Variants in SORCS2 observed in about 807,000 individuals in gnomAD.
The protein encoded by SORCS2 is VPS10 domain-containing receptor SorCS2.
Under a neutral mutation model 141.6 loss-of-function variants are expected in SORCS2, and 100 were observed. That is an observed-to-expected ratio of 0.71 (90% CI 0.60 to 0.83). The LOEUF is 0.83. SORCS2 is among the 40% of genes least tolerant of loss of function. The pLI, the probability that SORCS2 is intolerant of heterozygous loss-of-function variation, is 0.00. For synonymous variants in SORCS2, 789 were observed against 676.9 expected (o/e 1.17, Z -2.57); for missense variants, 1,646 against 1,560.2 (o/e 1.05, Z -0.93).
At position 7,540,454 on chromosome 4, in the gene SORCS2, C is replaced by T. The variant is rs143695313; in HGVS notation, c.648+8825C>T. 4.2e-3 allele frequency among the ~76,000 whole-genome samples: 644 copies of T among 152,264 alleles called. 3 individuals carry two copies. Among genetic ancestry groups the T allele is most frequent in the African/African-American group, 0.014 (590 of 41,564 alleles). On this transcript the variant is annotated intron_variant, in intron 3 of 26. Coordinates refer to ENST00000507866, the MANE Select transcript of SORCS2 (RefSeq NM_020777.3). ...CAGCACCCTGTGGCTGCTTTGCCAC[C>T]GCCTGTGCTTTGTGGGACCCACACT...
intron 1 of SORCS2, among the ~76,000 whole-genome samples, chr4:7,396,016 A>G (rs979418990): frequency 6.6e-6 from 1 of 152,226 alleles, no homozygotes; most frequent in African/African-American, 2.4e-5. Context: ...TTTCCAACAA[A>G]TGGCAGCTAC....
Position 7,725,428 on chromosome 4 carries a change from C to T in SORCS2, c.2745+141C>T, listed in dbSNP as rs947986950. 4.0e-6 allele frequency: 5 copies of T among 1,257,338 alleles called. No individual in the cohort carries two copies. The African/African-American group carries it at 6.1e-5, about 15-fold the overall frequency. 77.9% of individuals were successfully genotyped at this position (1,257,338 alleles called of 1,614,324 possible). On this transcript the variant is annotated intron_variant, in intron 20 of 26. Coordinates refer to ENST00000507866, the MANE Select transcript of SORCS2 (RefSeq NM_020777.3). ...CCTCACCCTTGGGCCCCTCCTGGGG[C>T]AGTTGAGAGGGGCACACCCTCCGTG...
At chr4:7,256,186 G>C (rs2108813477) in intron 1 of SORCS2, among the ~76,000 whole-genome samples, 1 of 152,288 alleles carries the variant, frequency 6.6e-6, no homozygotes, top group African/African-American at 2.4e-5. Flanking sequence ...GGGGCAGGGA[G>C]AGGCTCTTGA....
Position 7,411,996 on chromosome 4 carries a change from T to C in SORCS2, c.548+15641T>C, listed in dbSNP as rs74576599. Among the ~76,000 whole-genome samples, 292 of 152,332 alleles carry C rather than the reference T, an allele frequency of 1.9e-3. 7 individuals carry two copies. The East Asian group carries it at 0.046, about 24-fold the overall frequency. The stretch of plus-strand genomic sequence containing the variant: ...ACACCCCCACCATCCCTAGCATGTA[T>C]GCTGCCAAGGTCTATCAAGTCTGTG... On this transcript the variant is annotated intron_variant, in intron 2 of 26. Coordinates refer to ENST00000507866, the MANE Select transcript of SORCS2 (RefSeq NM_020777.3).
chr4:7,437,282 T>C (rs1261687030), intron 2 of SORCS2, among the ~76,000 whole-genome samples: 3 of 152,204 alleles, frequency 2.0e-5, no homozygotes, highest in Admixed American at 2.0e-4. Context: ...GGAGACCGTT[T>C]GCTTACATTT....
intron 1 of SORCS2, among the ~76,000 whole-genome samples, chr4:7,329,684 C>T (rs1719517671): frequency 1.3e-5 from 2 of 152,332 alleles, no homozygotes; most frequent in Non-Finnish European, 2.9e-5. Flanking sequence ...TGGCTTGAGA[C>T]AGCACAAATG....
intron 1 of SORCS2, among the ~76,000 whole-genome samples, chr4:7,362,827 C>A (rs1271155038): frequency 6.6e-6 from 1 of 151,834 alleles, no homozygotes; most frequent in Non-Finnish European, 1.5e-5. Context: ...ACACCACCAT[C>A]ATTACTACCA....
In SORCS2 at chr4:7,371,159, G is replaced by A. The variant is rs140865696; in HGVS notation, c.481-25129G>A. Among the ~76,000 whole-genome samples the A allele has an allele frequency of 6.5e-4, 99 of 152,358 alleles. 1 individual carries two copies. The highest frequency in any genetic ancestry group is 3.4e-3 in the Middle Eastern group (1 of 294). On this transcript the variant is annotated intron_variant, in intron 1 of 26. Coordinates refer to ENST00000507866, the MANE Select transcript of SORCS2 (RefSeq NM_020777.3). Reference sequence around the variant, plus strand: ...AGGATGTTTGTCCAGAGGTGGAAACGTGGGTGCAGGTGTCCCCCTCAACCT... The same window carrying A: ...AGGATGTTTGTCCAGAGGTGGAAACATGGGTGCAGGTGTCCCCCTCAACCT...
chr4:7,393,852 T>G (rs1387727500), intron 1 of SORCS2, among the ~76,000 whole-genome samples: 1 of 152,236 alleles, frequency 6.6e-6, no homozygotes, highest in African/African-American at 2.4e-5. Context: ...CTGAGCTGTG[T>G]TGAGGTCGAC....
intron 11 of SORCS2, among the ~76,000 whole-genome samples, chr4:7,696,523 T>G (rs766389220): frequency 3.9e-5 from 6 of 152,200 alleles, no homozygotes; most frequent in Non-Finnish European, 5.9e-5. Context: ...TTGGCTTGGA[T>G]GCTGGCCATG....
At position 7,723,308 on chromosome 4, in the gene SORCS2, C is replaced by T. The variant is rs532932062; in HGVS notation, c.2425-389C>T. Among the ~76,000 whole-genome samples, 36 of 152,272 alleles carry T rather than the reference C, an allele frequency of 2.4e-4. No homozygotes were observed. The East Asian group carries it at 4.6e-3, about 20-fold the overall frequency. ...TGTTCCTCTCCCCTGCCGAAACCCTCCTCGCAGTGGGAGGCCCCTCACCTT... is the reference window on the plus strand; with the variant it reads ...TGTTCCTCTCCCCTGCCGAAACCCTTCTCGCAGTGGGAGGCCCCTCACCTT... On this transcript the variant is annotated intron_variant, in intron 18 of 26. Transcript: ENST00000507866.
At chr4:7,643,825 T>C (rs1170113417) in intron 4 of SORCS2, among the ~76,000 whole-genome samples, 4 of 152,142 alleles carry the variant, frequency 2.6e-5, no homozygotes, top group Non-Finnish European at 5.9e-5. Flanking sequence ...CTGCTGTGAA[T>C]ATCAGCAGGT....
chr4:7,510,225 C>T (rs996031527), intron 2 of SORCS2, among the ~76,000 whole-genome samples: 6 of 152,350 alleles, frequency 3.9e-5, no homozygotes, highest in African/African-American at 1.2e-4. Flanking sequence ...TCGGGTGGAG[C>T]GGCCGGCGGG....
intron 1 of SORCS2, among the ~76,000 whole-genome samples, chr4:7,350,173 G>A (rs1448918463): frequency 1.3e-5 from 2 of 152,164 alleles, no homozygotes; most frequent in Admixed American, 1.3e-4. Flanking sequence ...CCATGGCTGC[G>A]GAACCCACTC....
At chr4:7,272,441 TG>T (rs753973060) in intron 1 of SORCS2, among the ~76,000 whole-genome samples, 9 of 152,238 alleles carry the variant, frequency 5.9e-5, no homozygotes, top group Non-Finnish European at 1.2e-4. Flanking sequence ...TTAGAATCAA[TG>T]AAATGTGGTA....
At chr4:7,310,580 C>T (rs979583483) in intron 1 of SORCS2, 1 of 154,230 alleles carries the variant, frequency 6.5e-6, no homozygotes, top group African/African-American at 2.4e-5. Flanking sequence ...ATGAGGCCCC[C>T]TCGGACAGGA....
chr4:7,281,653 G>A (rs1425200600), intron 1 of SORCS2, among the ~76,000 whole-genome samples: 5 of 152,228 alleles, frequency 3.3e-5, no homozygotes, highest in South Asian at 2.1e-4. Flanking sequence ...CCATTGGGCC[G>A]TTTGTGTGGG....
intron 1 of SORCS2, among the ~76,000 whole-genome samples, chr4:7,299,006 G>A (rs1260967276): frequency 6.6e-6 from 1 of 152,248 alleles, no homozygotes; most frequent in Non-Finnish European, 1.5e-5. Flanking sequence ...GGGCATTAGC[G>A]GGAGGCCTCA....
intron 3 of SORCS2, among the ~76,000 whole-genome samples, chr4:7,535,954 G>T (rs1232775347): frequency 6.6e-6 from 1 of 152,252 alleles, no homozygotes; most frequent in Non-Finnish European, 1.5e-5. Flanking sequence ...GGGAACCGGG[G>T]CAGCGATTTG....
Sources: allele counts gnomAD v4.1 joint callset (sites outside exome capture counted in the v4.1 genomes callset), GRCh38; gene constraint gnomAD v4.1.1; transcripts MANE v1.5; gene names NCBI Gene and HGNC (gene_info 2026-07-23, HGNC 2026-07-21).